PABPN1L: variants seen among roughly 807,000 people sequenced by gnomAD.
PABPN1L encodes embryonic polyadenylate-binding protein 2.
In PABPN1L, 45 loss-of-function variants were observed where a neutral mutation model predicts 34.0. That is an observed-to-expected ratio of 1.32 (90% CI 1.04 to 1.70). The LOEUF is 1.70. Among genes scored for constraint, PABPN1L ranks in the 40% most tolerant of loss-of-function variants. The pLI is 0.00. For synonymous variants in PABPN1L, 182 were observed against 152.1 expected (o/e 1.20, Z -1.45); for missense variants, 459 against 367.8 (o/e 1.25, Z -2.03).
At position 88,865,722 on chromosome 16, in the gene PABPN1L, A is replaced by G. The variant is rs1968575620; in HGVS notation, c.391+84T>C. On this transcript the variant is annotated intron_variant, in intron 2 of 6. Transcript: ENST00000419291. ...CGCCCAGGCTTATAGGGGAGGTGAC[A>G]CCTTGGAGCCTGCCAGGCCCAACCT... 3 of 1,551,762 alleles carry G rather than the reference A, an allele frequency of 1.9e-6. No individual in the cohort carries two copies. The Admixed American group carries it at 5.6e-5, about 29-fold the overall frequency.
chr16:88,864,201 C>G (rs994890590), intron 6 of PABPN1L, 36 bp downstream of exon 6: 16 of 1,536,956 alleles, frequency 1.0e-5, no homozygotes, highest in East Asian at 4.9e-5. Flanking sequence ...CACCATGGCC[C>G]TCGCCCCCAG....
chr16:88,864,927 CTATG>C lies in PABPN1L; in HGVS notation c.576_579del (p.Tyr192Ter). The C allele has an allele frequency of 7.3e-7, 1 of 1,370,232 alleles. No individual in the cohort carries two copies. The allele number at this position is 1,370,232 out of a possible 1,614,324, so 84.9% of individuals were successfully genotyped here. A position where few individuals can be genotyped will look rare whatever the true frequency, so the allele number is the denominator to read the frequency against. Reference sequence around the variant, plus strand: ...TGCACGGAGCCCTTGGTGGCAAACTCTATGTAGGCATAACTGAGGGGAGGGGCAG... The same window carrying C: ...TGCACGGAGCCCTTGGTGGCAAACTCTAGGCATAACTGAGGGGAGGGGCAG... On this transcript the variant is annotated frameshift_variant, in exon 5 of 7. Coordinates refer to ENST00000419291, the Ensembl canonical transcript of PABPN1L. LOFTEE classifies it high-confidence loss of function.
intron 3 of PABPN1L, among the ~76,000 whole-genome samples, 180 bp from the exon 4 acceptor site, chr16:88,865,308 C>T (rs577083407): frequency 6.0e-5 from 9 of 149,858 alleles, no homozygotes; most frequent in South Asian, 2.2e-4. Flanking sequence ...TCGTATGGAG[C>T]GCTTCCTTCT....
rs758401342 is a variant in PABPN1L at position 88,864,297 on chromosome 16, G to C, written c.737C>G (p.Ala246Gly). The stretch of plus-strand genomic sequence containing the variant: ...CTGGAGGCCGCTGTGGGGGAAGGGT[G>C]CCCCCCTGGAGCCTGGGTGTCCTCG... The change falls in exon 6 of 7, where the codon GCA becomes GGA. Residue 246 changes from alanine (A) to glycine (G), a missense_variant. Physicochemically the swap from Ala to Gly is moderately conservative, Grantham distance 60. Coordinates refer to ENST00000419291, the Ensembl canonical transcript of PABPN1L. 1,116 of 1,554,708 alleles carry C rather than the reference G, an allele frequency of 7.2e-4. No homozygotes were observed. Among genetic ancestry groups the C allele is most frequent in the Non-Finnish European group, 9.1e-4 (1,041 of 1,149,456 alleles).
intron 6 of PABPN1L, 122 bp from the exon 7 acceptor site, chr16:88,863,917 C>A: frequency 9.5e-7 from 1 of 1,055,868 alleles, no homozygotes; most frequent in South Asian, 1.6e-5. Flanking sequence ...GGCAATGCCC[C>A]AGGGGCCTTT....
chr16:88,864,442 C>T (rs544151940), intron 5 of PABPN1L, 63 bp from the exon 6 acceptor site: 55 of 1,494,952 alleles, frequency 3.7e-5, no homozygotes, highest in Middle Eastern at 2.1e-4. Context: ...TCACAGCCCC[C>T]GCAGCCCCCA....
intron 3 of PABPN1L, 125 bp from the exon 4 acceptor site, chr16:88,865,253 C>T (rs1968562584): frequency 3.1e-6 from 3 of 970,308 alleles, no homozygotes; most frequent in Non-Finnish European, 3.0e-6. Context: ...CAGGCCTCCA[C>T]CCCACACCCC....
At chr16:88,865,884 G>T in exon 2 of PABPN1L, 1 of 1,609,600 alleles carries the variant, frequency 6.2e-7, no homozygotes, top group Non-Finnish European at 8.5e-7. Context: ...CCTGGAGGCC[G>T]TGGCGTCCCC....
Position 88,864,201 on chromosome 16 carries a change from C to T in PABPN1L, c.797+36G>A, listed in dbSNP as rs994890590. On this transcript the variant is annotated intron_variant, in intron 6 of 6. Coordinates refer to ENST00000419291, the Ensembl canonical transcript of PABPN1L. Reference sequence around the variant, plus strand: ...GCCCCTGATGCCCTCCACCATGGCCCTCGCCCCCAGGCTGCCCCCACAGGC... The same window carrying T: ...GCCCCTGATGCCCTCCACCATGGCCTTCGCCCCCAGGCTGCCCCCACAGGC... The T allele has an allele frequency of 2.6e-6, 4 of 1,536,956 alleles. No individual in the cohort carries two copies. The Admixed American group carries it at 5.9e-5, about 23-fold the overall frequency.
At chr16:88,865,461 C>T (rs1968568478) in intron 3 of PABPN1L, 102 bp downstream of exon 3, 2 of 1,441,392 alleles carry the variant, frequency 1.4e-6, no homozygotes, top group South Asian at 1.3e-5. Flanking sequence ...GGGTCAGACC[C>T]CCTTCCCAGC....
At chr16:88,864,791 C>T in intron 5 of PABPN1L, 62 bp downstream of exon 5, 2 of 1,488,926 alleles carry the variant, frequency 1.3e-6, no homozygotes, top group Non-Finnish European at 1.8e-6. Flanking sequence ...GCTGTGTGTC[C>T]CAGGGCCAGT....
intron 5 of PABPN1L, 53 bp from the exon 6 acceptor site, chr16:88,864,432 TCA>T: frequency 1.3e-6 from 2 of 1,510,856 alleles, no homozygotes; most frequent in Non-Finnish European, 1.8e-6. Flanking sequence ...GAGACCCAGC[TCA>T]CAGCCCCCGC....
chr16:88,865,717 G>A (rs973244351), intron 2 of PABPN1L, 87 bp from the exon 3 acceptor site: 12 of 1,553,328 alleles, frequency 7.7e-6, no homozygotes, highest in Non-Finnish European at 1.0e-5. Flanking sequence ...TATAGGGGAG[G>A]TGACACCTTG....
chr16:88,868,693 A>C (rs553214124), upstream of PABPN1L, among the ~76,000 whole-genome samples: 34 of 152,020 alleles, frequency 2.2e-4, no homozygotes, highest in Non-Finnish European at 4.1e-4. Flanking sequence ...CAGGAAGGAA[A>C]GAAAAGGGAG....
chr16:88,865,738 G>A (rs1438931126), intron 2 of PABPN1L, 68 bp downstream of exon 2: 23 of 1,558,050 alleles, frequency 1.5e-5, no homozygotes, highest in Non-Finnish European at 1.6e-5. Flanking sequence ...GAGCCTGCCA[G>A]GCCCAACCTT....
At position 88,865,605 on chromosome 16, in the gene PABPN1L, C is replaced by T. The variant is rs570898252; in HGVS notation, c.417G>A (p.Glu139=). 3.1e-6 allele frequency: 5 copies of T among 1,610,758 alleles called. No individual in the cohort carries two copies. The African/African-American group carries it at 4.0e-5, about 13-fold the overall frequency. Residue 139 remains glutamate, a synonymous_variant, in exon 3 of 7, where the codon GAG becomes GAA. Transcript: ENST00000419291. ...ATCTGTGGTCAGCCTCCACCTTCTC[C>T]TCGGGGGTCCCAGAGAGGGGGCAGC...
chr16:88,865,876 T>C, exon 2 of PABPN1L: 1 of 1,609,840 alleles, frequency 6.2e-7, no homozygotes, highest in South Asian at 1.1e-5. Flanking sequence ...GCTGCACTCC[T>C]GGAGGCCGTG....
upstream of PABPN1L, among the ~76,000 whole-genome samples, chr16:88,866,982 A>C (rs529131950): frequency 6.6e-5 from 10 of 152,354 alleles, no homozygotes; most frequent in South Asian, 2.1e-3. Flanking sequence ...ACTCGATCTA[A>C]GTGGGAACAC....
At chr16:88,864,249 T>G in exon 6 of PABPN1L, 1 of 1,535,608 alleles carries the variant, frequency 6.5e-7, no homozygotes, top group Non-Finnish European at 8.8e-7. Flanking sequence ...GTTCTGCCCT[T>G]GTGGTCTGAG....
Sources: gnomAD v4.1 joint callset for allele counts (sites outside exome capture counted in the v4.1 genomes callset) on GRCh38, gnomAD v4.1.1 for gene constraint, MANE v1.5 for transcripts, NCBI Gene and HGNC (gene_info 2026-07-23, HGNC 2026-07-21) for gene names.